ATG4B: variants seen among roughly 807,000 people sequenced by gnomAD.
The protein encoded by ATG4B is autophagy related 4B cysteine peptidase, also known as cysteine protease ATG4B.
A neutral mutation model predicts 56.6 loss-of-function variants in ATG4B; 29 were observed. The ratio of observed to expected loss-of-function variants is 0.51; its 90% confidence interval spans 0.38 to 0.70. The LOEUF (loss-of-function observed/expected upper bound fraction) is 0.70, where lower values mean the gene tolerates loss of function less well. Among genes scored for constraint, ATG4B ranks in the 30% least tolerant of loss-of-function variants. ATG4B has a pLI of 0.00. For missense variants in ATG4B, 461 were observed against 515.5 expected, an observed-to-expected ratio of 0.89 and a Z score of 1.02; for synonymous variants, 224 against 206.1, an observed-to-expected ratio of 1.09 and a Z score of -0.74.
In ATG4B at chr2:241,668,336, C is replaced by G; in HGVS notation, c.811+115C>G. On this transcript the variant is annotated intron_variant, in intron 9 of 12. Transcript: ENST00000404914. The surrounding 1 kb of genome is among the most constrained non-coding windows in gnomAD (Gnocchi z 4.2). ...AGGCCACTGGTGGAAAAGCAGCATGCCCTGGGGTTCATTTTCAGCCTGGTC... is the reference window on the plus strand; with the variant it reads ...AGGCCACTGGTGGAAAAGCAGCATGGCCTGGGGTTCATTTTCAGCCTGGTC... 2.2e-6 allele frequency: 3 copies of G among 1,394,688 alleles called. No individual in the cohort carries two copies. The highest frequency in any genetic ancestry group is 9.9e-7 in the Non-Finnish European group (1 of 1,007,716). The allele number at this position is 1,394,688 out of a possible 1,614,324, so 86.4% of individuals were successfully genotyped here.
chr2:241,639,992 C>G lies in ATG4B; in HGVS notation c.10+2268C>G, dbSNP rs546515174. Among the ~76,000 whole-genome samples, 4 of 152,234 alleles carry G rather than the reference C, an allele frequency of 2.6e-5. No homozygotes were observed. In the East Asian group the frequency reaches 5.8e-4, roughly 22 times the overall value. ...AGGTTGGGTTTCACTGGTGACCCAC[C>G]CCTCTCTGCCTAGGATTTGTCTGCC... On this transcript the variant is annotated intron_variant, in intron 1 of 12. Coordinates refer to ENST00000404914, the MANE Select transcript of ATG4B (RefSeq NM_013325.5).
At chr2:241,670,132 C>A (rs1315534567) in intron 10 of ATG4B, among the ~76,000 whole-genome samples, 1 of 152,200 alleles carries the variant, frequency 6.6e-6, no homozygotes, top group Admixed American at 6.5e-5. Context: ...AGCTTCTCCC[C>A]CCATTTCGTT....
chr2:241,653,359 A>T (rs1230290444), intron 3 of ATG4B, 153 bp from the exon 4 acceptor site: 1 of 1,550,132 alleles, frequency 6.5e-7, no homozygotes. Context: ...GGCGTTACTG[A>T]GTCCTAAGAG....
chr2:241,639,460 G>A (rs1053299868), intron 1 of ATG4B, among the ~76,000 whole-genome samples: 1 of 152,214 alleles, frequency 6.6e-6, no homozygotes, highest in African/African-American at 2.4e-5. Flanking sequence ...ACAGTGGGTG[G>A]CTGCCCTTTG....
chr2:241,652,126 C>T (rs138516336), intron 3 of ATG4B: 5,128 of 377,670 alleles, frequency 0.014, 52 homozygotes, highest in Non-Finnish European at 0.021. Flanking sequence ...TAGGGACATA[C>T]GACAGTGTCT....
intron 1 of ATG4B, among the ~76,000 whole-genome samples, chr2:241,641,223 A>G (rs1372218828): frequency 6.6e-6 from 1 of 152,150 alleles, no homozygotes; most frequent in Non-Finnish European, 1.5e-5. Flanking sequence ...GGAGTTAAAG[A>G]TGGCCCCATA....
rs751050250 is a variant in ATG4B, at chr2:241,666,683, A to G, written c.577A>G (p.Thr193Ala). The change falls in exon 8 of 13, where the codon ACT (threonine) becomes GCT (alanine). Residue 193 changes from threonine to alanine, a missense_variant. By Grantham distance (58) the Thr-to-Ala change is moderately conservative. Transcript: ENST00000404914. Reference sequence around the variant, plus strand: ...GACCAGCGTTCCCTGTGCAGGCGCCACTGCGTTTCCTGCAGATTCCGACCG... The same window carrying G: ...GACCAGCGTTCCCTGTGCAGGCGCCGCTGCGTTTCCTGCAGATTCCGACCG... ...CRTSVPCAGA[T>A]AFPADSDRHC... The G allele has an allele frequency of 3.1e-6, 5 of 1,613,554 alleles. No homozygotes were observed. The highest frequency in any genetic ancestry group is 1.1e-5 in the South Asian group (1 of 90,952).
chr2:241,659,476 T>C (rs2068524275), intron 7 of ATG4B: 1 of 454,212 alleles, frequency 2.2e-6, no homozygotes, highest in East Asian at 5.2e-5. Flanking sequence ...CCTGCTGTGC[T>C]TAGGCGCCCT....
At chr2:241,650,583 G>T (rs1346480420) in intron 1 of ATG4B, among the ~76,000 whole-genome samples, 5 of 152,068 alleles carry the variant, frequency 3.3e-5, no homozygotes, top group Non-Finnish European at 7.4e-5. Context: ...GAAGGAGGTG[G>T]TTTAACTTTA....
intron 6 of ATG4B, among the ~76,000 whole-genome samples, chr2:241,657,187 G>A (rs1317674858): frequency 2.1e-5 from 3 of 145,914 alleles, no homozygotes; most frequent in African/African-American, 7.7e-5. Context: ...ATGTTGGCCA[G>A]GCTGGTCTTG....
At chr2:241,654,777 C>T in intron 5 of ATG4B, 130 bp downstream of exon 5, 2 of 713,216 alleles carry the variant, frequency 2.8e-6, no homozygotes, top group South Asian at 1.8e-5. Context: ...TAAACACTGA[C>T]CTCTGACCAT....
chr2:241,659,369 G>A (rs746961918), intron 7 of ATG4B, 182 bp downstream of exon 7: 24 of 679,778 alleles, frequency 3.5e-5, no homozygotes, highest in African/African-American at 2.3e-4. Flanking sequence ...CTATCCCGGC[G>A]GTCATACCAA....
intron 6 of ATG4B, among the ~76,000 whole-genome samples, chr2:241,658,556 G>A (rs2068488934): frequency 6.6e-6 from 1 of 152,240 alleles, no homozygotes; most frequent in Non-Finnish European, 1.5e-5. Context: ...TCAGAGTCGT[G>A]TTAGACTTTT....
At chr2:241,670,504 C>T (rs916567850) in intron 10 of ATG4B, 8 of 603,096 alleles carry the variant, frequency 1.3e-5, no homozygotes, top group South Asian at 7.9e-5. Context: ...GGCACAGCAA[C>T]GCAGTGGAGC....
intron 7 of ATG4B, among the ~76,000 whole-genome samples, chr2:241,665,026 G>A (rs371590553): frequency 1.8e-4 from 28 of 152,246 alleles, no homozygotes; most frequent in Admixed American, 1.6e-3. Context: ...AGGCTGAGGC[G>A]GGAGGATTGC....
chr2:241,661,014 T>A (rs1488850849), intron 7 of ATG4B, among the ~76,000 whole-genome samples: 1 of 152,134 alleles, frequency 6.6e-6, no homozygotes, highest in Non-Finnish European at 1.5e-5. Flanking sequence ...TGGGGGCAGC[T>A]TGTCTGTGTG....
At chr2:241,638,998 G>T (rs2067790574) in intron 1 of ATG4B, among the ~76,000 whole-genome samples, 1 of 152,218 alleles carries the variant, frequency 6.6e-6, no homozygotes, top group Non-Finnish European at 1.5e-5. Flanking sequence ...CCCAGGCCTT[G>T]CTTGGGTCCA....
chr2:241,673,323 A>G lies in ATG4B; in HGVS notation c.*1059A>G. On this transcript the variant is annotated 3_prime_UTR_variant, in exon 13 of 13. Coordinates refer to ENST00000404914, the MANE Select transcript of ATG4B (RefSeq NM_013325.5). ...TGTGTAACCTGCTGTCCCGGGTCCCAGAGTGCACTCTGCCCCGCTGCTCTG... is the reference window on the plus strand; with the variant it reads ...TGTGTAACCTGCTGTCCCGGGTCCCGGAGTGCACTCTGCCCCGCTGCTCTG... The G allele has an allele frequency of 2.8e-6, 1 of 351,998 alleles. No homozygotes were observed. The highest frequency in any genetic ancestry group is 2.1e-5 in the South Asian group (1 of 47,598). 21.8% of individuals were successfully genotyped at this position (351,998 alleles called of 1,614,324 possible).
At chr2:241,657,288 T>C (rs2068438141) in intron 6 of ATG4B, among the ~76,000 whole-genome samples, 1 of 140,660 alleles carries the variant, frequency 7.1e-6, no homozygotes, top group Admixed American at 7.1e-5. Context: ...ACTCCTCTCT[T>C]TCTTTTTTTT....
Sources: gnomAD v4.1 joint callset for allele counts (sites outside exome capture counted in the v4.1 genomes callset) on GRCh38, gnomAD v4.1.1 for gene constraint, Gnocchi (gnomAD v3.1) non-coding constraint, MANE v1.5 for transcripts, NCBI Gene and HGNC (gene_info 2026-07-23, HGNC 2026-07-21) for gene names.